Variants in ITPKB observed in about 807,000 individuals in gnomAD.
ITPKB encodes the protein inositol-trisphosphate 3-kinase B, also known as IP3 3-kinase B.
A neutral mutation model predicts 69.4 loss-of-function variants in ITPKB; 13 were observed. The observed-to-expected ratio is 0.19, with a 90% CI of 0.12 to 0.30. ITPKB has a LOEUF of 0.30. ITPKB is among the 10% of genes least tolerant of loss of function. The probability of loss-of-function intolerance (pLI) is 1.00; values close to 1 mark genes in which losing one functional copy is unlikely to be tolerated. For synonymous variants in ITPKB, 584 were observed against 513.7 expected, an observed-to-expected ratio of 1.14 and a Z score of -1.85; for missense variants, 1,240 against 1,250.5, an observed-to-expected ratio of 0.99 and a Z score of 0.13.
chr1:226,647,971 G>A (rs936492040), intron 3 of ITPKB, among the ~76,000 whole-genome samples: 1 of 152,240 alleles, frequency 6.6e-6, no homozygotes, highest in African/African-American at 2.4e-5. Context: ...GCTGGCCTGA[G>A]GAGGCTGGTG....
chr1:226,737,336 C>T lies in ITPKB; in HGVS notation c.123G>A (p.Val41=). ...GGCTGAAAACGCTGCCGGGGCTCAG[C>T]ACTGCCCTCCTCGGGGGCGGGGGCG... ...SETPPPPRRA[V]LSPGSVFSPG... The change falls in exon 2 of 8, where the codon GTG becomes GTA. Residue 41 remains valine, a synonymous_variant. Coordinates refer to ENST00000429204, the MANE Select transcript of ITPKB (RefSeq NM_002221.4). 6.2e-7 allele frequency: 1 copy of T among 1,601,058 alleles called. No individual in the cohort carries two copies. The highest frequency in any genetic ancestry group is 8.5e-7 in the Non-Finnish European group (1 of 1,177,786).
At chr1:226,729,003 A>G (rs1657504831) in intron 2 of ITPKB, among the ~76,000 whole-genome samples, 1 of 152,138 alleles carries the variant, frequency 6.6e-6, no homozygotes, top group Non-Finnish European at 1.5e-5. Flanking sequence ...TCCTTCATTC[A>G]TTCACCCATT....
intron 2 of ITPKB, among the ~76,000 whole-genome samples, chr1:226,727,995 T>G (rs373453064): frequency 6.6e-6 from 1 of 152,142 alleles, no homozygotes; most frequent in African/African-American, 2.4e-5. Flanking sequence ...AGCAGTGAGC[T>G]TCACGAGGAA....
At chr1:226,679,721 C>T (rs146568052) in intron 2 of ITPKB, among the ~76,000 whole-genome samples, 15 of 152,298 alleles carry the variant, frequency 9.8e-5, no homozygotes, top group African/African-American at 2.9e-4. Flanking sequence ...AGGGTGACTA[C>T]GGGTGATTTT....
At chr1:226,700,983 C>T (rs146596840) in intron 2 of ITPKB, among the ~76,000 whole-genome samples, 2 of 152,308 alleles carry the variant, frequency 1.3e-5, no homozygotes, top group East Asian at 1.9e-4. Context: ...ATGGAGCACA[C>T]GGTGCCTTCA....
rs1571885092 is a variant in ITPKB, at chr1:226,737,272, A to G, written c.187T>C (p.Ser63Pro). The G allele has an allele frequency of 1.3e-6, 2 of 1,553,526 alleles. No homozygotes were observed. Among genetic ancestry groups the G allele is most frequent in the East Asian group, 2.4e-5 (1 of 41,820 alleles). Reference sequence around the variant, plus strand: ...CTCCGGGGCTCCTCGGGGGACAGCGACTCGGCTGGGGGGAAGAGGAAAGAG... The same window carrying G: ...CTCCGGGGCTCCTCGGGGGACAGCGGCTCGGCTGGGGGGAAGAGGAAAGAG... ...GASFLFPPAE[S>P]LSPEEPRSPG... Residue 63 changes from serine (S) to proline (P), a missense_variant, in exon 2 of 8, where the codon TCG becomes CCG. By Grantham distance (74) the Ser-to-Pro change is moderately conservative. Transcript: ENST00000429204.
At chr1:226,693,763 C>T (rs1656413295) in intron 2 of ITPKB, among the ~76,000 whole-genome samples, 1 of 152,210 alleles carries the variant, frequency 6.6e-6, no homozygotes, top group African/African-American at 2.4e-5. Context: ...TGTGCTGACA[C>T]CATGGGTCAG....
chr1:226,650,153 C>T (rs1039471356), intron 2 of ITPKB, among the ~76,000 whole-genome samples: 1 of 152,232 alleles, frequency 6.6e-6, no homozygotes, highest in Non-Finnish European at 1.5e-5. Flanking sequence ...CAGGGGTCAG[C>T]GGCGGCTGCT....
intron 5 of ITPKB, among the ~76,000 whole-genome samples, chr1:226,640,635 C>G (rs79415734): frequency 0.028 from 4,239 of 152,002 alleles, 217 homozygotes; most frequent in African/African-American, 0.097. Flanking sequence ...ACATCCTGCT[C>G]GAGAGGGAGA....
rs1275424506 is a variant in ITPKB at position 226,735,819 on chromosome 1, A to T, written c.1640T>A (p.Leu547Gln). 1 of 1,608,212 alleles carries T rather than the reference A, an allele frequency of 6.2e-7. No homozygotes were observed. Among genetic ancestry groups the T allele is most frequent in the South Asian group, 1.1e-5 (1 of 90,886 alleles). The change falls in exon 2 of 8, where the codon CTG (leucine) becomes CAG (glutamine). Residue 547 changes from leucine to glutamine, a missense_variant. By Grantham distance (113) the Leu-to-Gln change is moderately radical. Around this residue, in one of 2 missense-constraint regions of ITPKB, gnomAD observed 992 missense variants for 853.8 expected, o/e 1.16. Coordinates refer to ENST00000429204, the MANE Select transcript of ITPKB (RefSeq NM_002221.4). ...AGGCTTGTCCGGATCTTGGGGTAGC[A>T]GCTCCGGACTTGGGAGGGCATCACT... is the stretch of plus-strand genomic sequence containing the variant. ...QDSDALPSPE[L>Q]LPQDPDKPFL... is the part of the protein sequence containing the mutation.
At chr1:226,658,737 C>A (rs565553139) in intron 2 of ITPKB, among the ~76,000 whole-genome samples, 23 of 152,314 alleles carry the variant, frequency 1.5e-4, no homozygotes, top group African/African-American at 5.5e-4. Flanking sequence ...TTCTTCTCCC[C>A]CGCCCTTTAT....
chr1:226,687,071 T>C (rs1453351438), intron 2 of ITPKB, among the ~76,000 whole-genome samples: 1 of 152,252 alleles, frequency 6.6e-6, no homozygotes, highest in Non-Finnish European at 1.5e-5. Context: ...GTGGCACAAG[T>C]CATTTGCTGC....
Position 226,737,029 on chromosome 1 carries a change from T to C in ITPKB, c.430A>G (p.Asn144Asp). 6.2e-7 allele frequency: 1 copy of C among 1,612,636 alleles called. No homozygotes were observed. The highest frequency in any genetic ancestry group is 2.2e-5 in the East Asian group (1 of 44,846). The change falls in exon 2 of 8, where the codon AAC (asparagine) becomes GAC (aspartate). Residue 144 changes from asparagine (N) to aspartate (D), a missense_variant. This residue lies in a region of ITPKB where 992 missense variants were observed against 853.8 expected (regional missense o/e 1.16). Coordinates refer to ENST00000429204, the MANE Select transcript of ITPKB (RefSeq NM_002221.4). ...LQRELQNVQV[N>D]QKVGMFEAHI... ...GCCTCAAACATGCCCACTTTCTGGT[T>C]CACCTGCACGTTCTGCAACTCGCGC...
At chr1:226,703,630 G>A (rs1054442914) in intron 2 of ITPKB, among the ~76,000 whole-genome samples, 9 of 152,216 alleles carry the variant, frequency 5.9e-5, no homozygotes, top group African/African-American at 1.9e-4. Flanking sequence ...GAAGGCGGCC[G>A]CCCCTGTCGC....
rs775612551 is a variant in ITPKB at position 226,707,871 on chromosome 1, G to A, written c.1932+27656C>T. ...CTATACATCATTCTTGGTATTGGAC[G>A]TTGCCCCAGCAGTACCACTGAGGGG... is the stretch of plus-strand genomic sequence containing the variant. On this transcript the variant is annotated intron_variant, in intron 2 of 7. Coordinates refer to ENST00000429204, the MANE Select transcript of ITPKB (RefSeq NM_002221.4). The A allele has an allele frequency of 1.5e-5, 20 of 1,300,492 alleles. No individual in the cohort carries two copies. In the Admixed American group the frequency reaches 4.3e-4, roughly 28 times the overall value. The allele number at this position is 1,300,492 out of a possible 1,614,324, so 80.6% of individuals were successfully genotyped here.
At chr1:226,650,195 G>A (rs1303222052) in intron 2 of ITPKB, among the ~76,000 whole-genome samples, 1 of 152,208 alleles carries the variant, frequency 6.6e-6, no homozygotes, top group East Asian at 1.9e-4. Context: ...GGTGAAATCG[G>A]CCTCCTTTGT....
chr1:226,640,862 C>T (rs938549959), intron 5 of ITPKB, among the ~76,000 whole-genome samples: 2 of 152,164 alleles, frequency 1.3e-5, no homozygotes, highest in Non-Finnish European at 2.9e-5. Context: ...CACATGCCAC[C>T]GTGGGCAGCG....
Position 226,718,153 on chromosome 1 carries a change from G to T in ITPKB, c.1932+17374C>A, listed in dbSNP as rs539136668. ...TACTAAAAATACAAAAATTAGCCAG[G>T]TGTGGTGGCGGGCACCTGTAGTCCC... On this transcript the variant is annotated intron_variant, in intron 2 of 7. Coordinates refer to ENST00000429204, the MANE Select transcript of ITPKB (RefSeq NM_002221.4). Among the ~76,000 whole-genome samples the T allele has an allele frequency of 3.0e-3, 463 of 152,186 alleles. 2 individuals carry two copies. Among genetic ancestry groups the T allele is most frequent in the Non-Finnish European group, 5.6e-3 (380 of 68,000 alleles).
At chr1:226,654,517 C>T (rs1669251677) in intron 2 of ITPKB, among the ~76,000 whole-genome samples, 1 of 152,176 alleles carries the variant, frequency 6.6e-6, no homozygotes, top group South Asian at 2.1e-4. Context: ...CCAAGGCCTA[C>T]ACAGAATGAT....
Sources: gnomAD v4.1 joint callset for allele counts (sites outside exome capture counted in the v4.1 genomes callset) on GRCh38, gnomAD v4.1.1 for gene constraint, gnomAD v4.1.1 regional missense constraint, MANE v1.5 for transcripts, NCBI Gene and HGNC (gene_info 2026-07-23, HGNC 2026-07-21) for gene names.